Variants in PLAAT1 observed in about 807,000 individuals in gnomAD.
PLAAT1 encodes the protein phospholipase A and acyltransferase 1, also known as H-REV107 protein-related protein.
In PLAAT1, 13 loss-of-function variants were observed where a neutral mutation model predicts 16.4. The ratio of observed to expected loss-of-function variants is 0.79; its 90% confidence interval spans 0.52 to 1.26. The LOEUF (loss-of-function observed/expected upper bound fraction) is 1.26, where lower values mean the gene tolerates loss of function less well. Among genes scored for constraint, PLAAT1 ranks in the 50% most tolerant of loss-of-function variants. The pLI is 0.00. For missense variants in PLAAT1, 218 were observed against 207.8 expected, an observed-to-expected ratio of 1.05 and a Z score of -0.30; for synonymous variants, 73 against 78.4, an observed-to-expected ratio of 0.93 and a Z score of 0.36.
intron 1 of PLAAT1, among the ~76,000 whole-genome samples, chr3:193,252,810 A>G (rs571171691): frequency 2.0e-5 from 3 of 152,298 alleles, no homozygotes; most frequent in South Asian, 2.1e-4. Context: ...AATCTTTTAT[A>G]TAATAGTGTA....
At chr3:193,255,893 A>T (rs937208983) in intron 2 of PLAAT1, 104 bp downstream of exon 2, 4 of 1,088,344 alleles carry the variant, frequency 3.7e-6, no homozygotes, top group Non-Finnish European at 5.0e-6. Flanking sequence ...GAAATAAAAT[A>T]TAGAAAGCAG....
At chr3:193,259,816 C>G (rs1716516612) in intron 2 of PLAAT1, among the ~76,000 whole-genome samples, 1 of 152,004 alleles carries the variant, frequency 6.6e-6, no homozygotes, top group African/African-American at 2.4e-5. Context: ...TCTACAGATT[C>G]AACACTATTT....
intron 1 of PLAAT1, among the ~76,000 whole-genome samples, chr3:193,244,085 T>C (rs1257234264): frequency 1.3e-5 from 2 of 152,180 alleles, no homozygotes; most frequent in African/African-American, 2.4e-5. Context: ...TAGTATTCCA[T>C]GGTAGGCCTG....
intron 2 of PLAAT1, among the ~76,000 whole-genome samples, chr3:193,277,241 AAGG>A (rs1717261275): frequency 6.6e-6 from 1 of 152,226 alleles, no homozygotes; most frequent in Admixed American, 6.5e-5. Context: ...TTCATTCTTT[AAGG>A]AGGACAGAGA....
At chr3:193,251,231 G>A (rs1474592176) in intron 1 of PLAAT1, among the ~76,000 whole-genome samples, 1 of 152,186 alleles carries the variant, frequency 6.6e-6, no homozygotes, top group Admixed American at 6.5e-5. Context: ...GCATGTTCTT[G>A]CTGGCAGAGG....
downstream of PLAAT1, chr3:193,275,265 A>C: frequency 6.2e-7 from 1 of 1,613,948 alleles, no homozygotes; most frequent in African/African-American, 1.3e-5. Context: ...TTCTCTTTTG[A>C]TCAACAGCCA....
At chr3:193,272,807 CT>C (rs1560107208), downstream of PLAAT1, among the ~76,000 whole-genome samples, 10 of 76,872 alleles carry the variant, frequency 1.3e-4, no homozygotes, top group African/African-American at 6.3e-4. Context: ...AGTTTTCACC[CT>C]TAGAGGTTAG....
At chr3:193,272,464 A>AC (rs1337878700), downstream of PLAAT1, among the ~76,000 whole-genome samples, 2 of 121,852 alleles carry the variant, frequency 1.6e-5, no homozygotes, top group Non-Finnish European at 3.9e-5. Flanking sequence ...ACAAAACAAA[A>AC]CAAAAAAACC....
intron 2 of PLAAT1, among the ~76,000 whole-genome samples, chr3:193,276,264 G>T (rs1717195073): frequency 5.9e-5 from 9 of 152,076 alleles, no homozygotes. Context: ...TTACTAAGTG[G>T]GTAAAGTCAT....
rs531300767 is a variant in PLAAT1, at chr3:193,265,478, A to T, written c.405+2243A>T. On this transcript the variant is annotated intron_variant, in intron 3 of 3. Transcript: ENST00000264735. ...ATAAATTAGTGGTTGCCTGGGGCTGAGGTGGTTGAGGTAAATCAGGGGAGA... is the reference window on the plus strand; with the variant it reads ...ATAAATTAGTGGTTGCCTGGGGCTGTGGTGGTTGAGGTAAATCAGGGGAGA... 7.2e-5 allele frequency among the ~76,000 whole-genome samples: 11 copies of T among 152,244 alleles called. No individual in the cohort carries two copies. In the South Asian group the frequency reaches 2.1e-3, roughly 29 times the overall value.
chr3:193,264,295 G>A (rs1716696834), intron 3 of PLAAT1, among the ~76,000 whole-genome samples: 1 of 152,114 alleles, frequency 6.6e-6, no homozygotes, highest in African/African-American at 2.4e-5. Context: ...TTTAAACGCT[G>A]CACCTCTTGA....
At chr3:193,264,623 C>T (rs1716714110) in intron 3 of PLAAT1, among the ~76,000 whole-genome samples, 1 of 152,108 alleles carries the variant, frequency 6.6e-6, no homozygotes, top group African/African-American at 2.4e-5. Flanking sequence ...CCTGCTTCAG[C>T]CTCCCAAGTA....
chr3:193,281,413 A>C (rs1021769575), downstream of PLAAT1, among the ~76,000 whole-genome samples: 1 of 152,232 alleles, frequency 6.6e-6, no homozygotes, highest in Non-Finnish European at 1.5e-5. Flanking sequence ...GATGTAATAA[A>C]GATTTGAATG....
chr3:193,256,350 T>A (rs1716372563), intron 2 of PLAAT1, among the ~76,000 whole-genome samples: 1 of 152,066 alleles, frequency 6.6e-6, no homozygotes, highest in African/African-American at 2.4e-5. Flanking sequence ...TTAAATGAAG[T>A]GGTCAGGAAA....
chr3:193,259,400 T>C (rs1406571210), intron 2 of PLAAT1, among the ~76,000 whole-genome samples: 1 of 150,518 alleles, frequency 6.6e-6, no homozygotes. Context: ...GAGAAAGAAA[T>C]AAAAGGCATC....
intron 2 of PLAAT1, among the ~76,000 whole-genome samples, chr3:193,261,227 G>T (rs1484200101): frequency 6.6e-6 from 1 of 152,054 alleles, no homozygotes; most frequent in Non-Finnish European, 1.5e-5. Context: ...AATTAGCCAG[G>T]TGTGGTGGCA....
rs149002131 is a variant in PLAAT1, at chr3:193,266,258, A to G, written c.405+3023A>G. On this transcript the variant is annotated intron_variant, in intron 3 of 3. Coordinates refer to ENST00000264735, the MANE Select transcript of PLAAT1 (RefSeq NM_020386.5). The stretch of plus-strand genomic sequence containing the variant: ...ATTGTAATGATGGTTTCATGGGGGT[A>G]TGCTTATCTCCAAATACATCAAGTT... 5.0e-3 allele frequency among the ~76,000 whole-genome samples: 761 copies of G among 152,232 alleles called. 7 individuals are homozygous for G. The highest frequency in any genetic ancestry group is 8.5e-3 in the Non-Finnish European group (577 of 68,002).
chr3:193,271,333 G>C (rs1490940396), downstream of PLAAT1, among the ~76,000 whole-genome samples: 1 of 152,178 alleles, frequency 6.6e-6, no homozygotes, highest in African/African-American at 2.4e-5. Flanking sequence ...ACAAGTAAGA[G>C]TGGGCTGTTA....
chr3:193,260,275 C>G (rs1716537185), intron 2 of PLAAT1, among the ~76,000 whole-genome samples: 1 of 152,162 alleles, frequency 6.6e-6, no homozygotes, highest in Non-Finnish European at 1.5e-5. Flanking sequence ...CTAGGAAACA[C>G]TCTTCTTGAC....
Sources: allele counts gnomAD v4.1 joint callset (sites outside exome capture counted in the v4.1 genomes callset), GRCh38; gene constraint gnomAD v4.1.1; transcripts MANE v1.5; gene names NCBI Gene and HGNC (gene_info 2026-07-23, HGNC 2026-07-21).